Variants in SLC5A4 observed in about 807,000 individuals in gnomAD.
SLC5A4 encodes solute carrier family 5 member 4, also known as probable glucose sensor protein SLC5A4.
SLC5A4 carries 55 observed loss-of-function variants against 70.3 expected under a neutral mutation model. That is an observed-to-expected ratio of 0.78 (90% CI 0.63 to 0.98). The LOEUF (loss-of-function observed/expected upper bound fraction) is 0.98. Ranked by LOEUF, SLC5A4 falls within the 50% of genes least tolerant of loss-of-function variation. SLC5A4 has a pLI of 0.00. For synonymous variants in SLC5A4, 268 were observed against 305.7 expected (o/e 0.88, Z 1.29); for missense variants, 735 against 839.2 (o/e 0.88, Z 1.53).
At chr22:32,345,832 T>C in the SLC5A4 span, among the ~76,000 whole-genome samples, 1 of 152,334 alleles carries the variant, frequency 6.6e-6, no homozygotes, top group South Asian at 2.1e-4. Context: ...AAACATGACA[T>C]TTATGCGACC....
At chr22:32,290,983 C>A in the SLC5A4 span, among the ~76,000 whole-genome samples, 1 of 152,078 alleles carries the variant, frequency 6.6e-6, no homozygotes, top group Non-Finnish European at 1.5e-5. Context: ...CTTTTTTATG[C>A]TTGCTGGATG....
chr22:32,327,966 G>A, the SLC5A4 span, among the ~76,000 whole-genome samples: 4 of 152,082 alleles, frequency 2.6e-5, no homozygotes, highest in South Asian at 2.1e-4. Context: ...AGCCTGAATT[G>A]GGCCCAGCAA....
chr22:32,256,717 G>T (rs985594711), upstream of SLC5A4, among the ~76,000 whole-genome samples: 1 of 152,138 alleles, frequency 6.6e-6, no homozygotes, highest in South Asian at 2.1e-4. Flanking sequence ...ACATTTTCAA[G>T]GTTCATCCAT....
intron 3 of SLC5A4, among the ~76,000 whole-genome samples, chr22:32,251,149 CAAAAAAAAAAAAAAAAA>C (rs1169115054): frequency 4.4e-5 from 1 of 22,768 alleles, no homozygotes. Flanking sequence ...AACAAATAAG[CAAAAAAAAAAAAAAAAA>C]AAAAAAAAAA....
At chr22:32,330,793 T>TG in the SLC5A4 span, among the ~76,000 whole-genome samples, 6 of 26,144 alleles carry the variant, frequency 2.3e-4, no homozygotes, top group Admixed American at 8.6e-4. Flanking sequence ...GTGTGTGTGT[T>TG]GGGGGCTCTG....
At chr22:32,259,730 C>T (rs1201758661), upstream of SLC5A4, among the ~76,000 whole-genome samples, 3 of 152,172 alleles carry the variant, frequency 2.0e-5, no homozygotes, top group Non-Finnish European at 4.4e-5. Context: ...GAAGTGTTCC[C>T]TCCTCTTCAG....
the SLC5A4 span, among the ~76,000 whole-genome samples, chr22:32,323,934 G>A: frequency 1.3e-3 from 201 of 152,108 alleles, no homozygotes; most frequent in African/African-American, 4.6e-3. Flanking sequence ...TGGGGTGGGG[G>A]CAGCCTCACC....
chr22:32,294,440 G>A, the SLC5A4 span, among the ~76,000 whole-genome samples: 8 of 152,044 alleles, frequency 5.3e-5, no homozygotes, highest in Non-Finnish European at 1.0e-4. Context: ...GCAACATCTT[G>A]CAAAACTACA....
chr22:32,347,238 C>A, the SLC5A4 span, among the ~76,000 whole-genome samples: 4 of 152,174 alleles, frequency 2.6e-5, no homozygotes, highest in African/African-American at 9.7e-5. Context: ...GAAATAGGAA[C>A]ACTTTCACAC....
chr22:32,230,031 G>A lies in SLC5A4; in HGVS notation c.1130-687C>T, dbSNP rs116431952. Among the ~76,000 whole-genome samples the A allele has an allele frequency of 8.2e-3, 1,256 of 152,248 alleles. 15 individuals are homozygous for A. The highest frequency in any genetic ancestry group is 0.028 in the African/African-American group (1,171 of 41,546). The stretch of plus-strand genomic sequence containing the variant: ...TTCTGCTAAATAAGTCTTTGGAGGG[G>A]CAAAGCCAAGAGTTTTGAGCCATGA... On this transcript the variant is annotated intron_variant, in intron 10 of 14. Coordinates refer to ENST00000266086, the MANE Select transcript of SLC5A4 (RefSeq NM_014227.3).
At chr22:32,256,167 G>A (rs912604095), upstream of SLC5A4, among the ~76,000 whole-genome samples, 4 of 152,080 alleles carry the variant, frequency 2.6e-5, no homozygotes, top group Non-Finnish European at 5.9e-5. Flanking sequence ...AATTAGCTGA[G>A]TGTGGTGATG....
At chr22:32,261,059 CAA>C in the SLC5A4 span, among the ~76,000 whole-genome samples, 31 of 128,162 alleles carry the variant, frequency 2.4e-4, no homozygotes, top group Admixed American at 2.4e-4. Context: ...GGTGACAGGG[CAA>C]AAAAAAAAAA....
rs1439693499 is a variant in SLC5A4, at chr22:32,224,083, G to A, written c.1665+184C>T. Among the ~76,000 whole-genome samples the A allele has an allele frequency of 2.6e-5, 4 of 152,106 alleles. No individual in the cohort carries two copies. The East Asian group carries it at 7.7e-4, about 29-fold the overall frequency. On this transcript the variant is annotated intron_variant, in intron 13 of 14. Coordinates refer to ENST00000266086, the MANE Select transcript of SLC5A4 (RefSeq NM_014227.3). ...TTACAGGTGCCCACCACCACACCCA[G>A]CTAATTTTTTGTATTTTTAGTAGAG...
intron 11 of SLC5A4, among the ~76,000 whole-genome samples, chr22:32,227,720 G>C (rs1273694509): frequency 3.9e-5 from 6 of 151,984 alleles, no homozygotes; most frequent in Non-Finnish European, 8.8e-5. Context: ...GGCGGATCAC[G>C]AGGTCAAGAG....
chr22:32,250,605 G>A (rs188982312), intron 3 of SLC5A4, among the ~76,000 whole-genome samples: 2 of 152,112 alleles, frequency 1.3e-5, no homozygotes, highest in African/African-American at 4.8e-5. Flanking sequence ...CCATTACTGG[G>A]TATATACCCA....
chr22:32,310,229 A>G, the SLC5A4 span, among the ~76,000 whole-genome samples: 1 of 152,106 alleles, frequency 6.6e-6, no homozygotes, highest in African/African-American at 2.4e-5. Context: ...TTTTTGGCAG[A>G]GTAAGCACCT....
the SLC5A4 span, among the ~76,000 whole-genome samples, chr22:32,282,418 C>T: frequency 6.1e-5 from 8 of 131,866 alleles, no homozygotes; most frequent in Non-Finnish European, 1.0e-4. Flanking sequence ...CTCTCAGCCT[C>T]GCTCCCACCT....
chr22:32,240,271 G>C (rs964786390), intron 5 of SLC5A4, among the ~76,000 whole-genome samples: 2 of 151,782 alleles, frequency 1.3e-5, no homozygotes, highest in Non-Finnish European at 2.9e-5. Flanking sequence ...ACCCTCCTAG[G>C]GCCCTTAGGT....
chr22:32,282,222 C>T, the SLC5A4 span, among the ~76,000 whole-genome samples: 2 of 152,118 alleles, frequency 1.3e-5, no homozygotes, highest in South Asian at 2.1e-4. Flanking sequence ...TTGAACACCC[C>T]CCTCCAGCAC....
Sources: allele counts gnomAD v4.1 joint callset (sites outside exome capture counted in the v4.1 genomes callset), GRCh38; gene constraint gnomAD v4.1.1; transcripts MANE v1.5; gene names NCBI Gene and HGNC (gene_info 2026-07-23, HGNC 2026-07-21).